The following TDRD5 variants were observed in gnomAD, a reference collection of about 807,000 sequenced individuals.
TDRD5 encodes the protein tudor domain-containing protein 5.
Under a neutral mutation model 120.6 loss-of-function variants are expected in TDRD5, and 41 were observed. The observed-to-expected ratio is 0.34, with a 90% CI of 0.26 to 0.44. The LOEUF (loss-of-function observed/expected upper bound fraction) is 0.44, where lower values mean the gene tolerates loss of function less well. Among genes scored for constraint, TDRD5 ranks in the 20% least tolerant of loss-of-function variants. The pLI, the probability that TDRD5 is intolerant of heterozygous loss-of-function variation, is 1.00. For synonymous variants in TDRD5, 430 were observed against 433.7 expected (o/e 0.99, Z 0.11); for missense variants, 1,006 against 1,221.2 (o/e 0.82, Z 2.63).
intron 11 of TDRD5, among the ~76,000 whole-genome samples, chr1:179,641,819 G>GCT (rs1678064600): frequency 6.6e-6 from 1 of 152,154 alleles, no homozygotes; most frequent in African/African-American, 2.4e-5. Flanking sequence ...ATCATCGCCT[G>GCT]CTTAACCGTT....
Position 179,654,341 on chromosome 1 carries a change from C to A in TDRD5, c.2301C>A (p.Asn767Lys). ...CAAAGTGGTCCAACCCAGAACCAAACGATCTGAAGGAAGAAAATGAGGTAG... is the reference window on the plus strand; with the variant it reads ...CAAAGTGGTCCAACCCAGAACCAAAAGATCTGAAGGAAGAAAATGAGGTAG... Reference protein sequence around the residue: ...EDPKWSNPEPNDLKEENEDEI... With the variant: ...EDPKWSNPEPKDLKEENEDEI... Residue 767 changes from asparagine (N) to lysine (K), a missense_variant, in exon 14 of 18, where the codon AAC becomes AAA. This residue lies in a region of TDRD5 where 403 missense variants were observed against 448.1 expected (regional missense o/e 0.90). Coordinates refer to ENST00000444136, the MANE Select transcript of TDRD5 (RefSeq NM_001199085.3). 1 of 1,530,506 alleles carries A rather than the reference C, an allele frequency of 6.5e-7. No individual in the cohort carries two copies. The highest frequency in any genetic ancestry group is 8.8e-7 in the Non-Finnish European group (1 of 1,137,472). 94.8% of individuals were successfully genotyped at this position (1,530,506 alleles called of 1,614,324 possible). A position where few individuals can be genotyped will look rare whatever the true frequency, so the allele number is the denominator to read the frequency against.
intron 6 of TDRD5, among the ~76,000 whole-genome samples, chr1:179,625,833 G>T (rs1200450868): frequency 9.9e-5 from 15 of 152,170 alleles, no homozygotes; most frequent in Non-Finnish European, 8.8e-5. Context: ...AACAATGATA[G>T]ACTGGATTAA....
At chr1:179,593,309 C>A in intron 2 of TDRD5, 151 bp from the exon 3 acceptor site, 1 of 869,348 alleles carries the variant, frequency 1.2e-6, no homozygotes, top group Non-Finnish European at 1.7e-6. Flanking sequence ...GCCCAAAATG[C>A]AAGAAATCGA....
In TDRD5 at chr1:179,636,374, G is replaced by C. The variant is rs191759223; in HGVS notation, c.1520+487G>C. Among the ~76,000 whole-genome samples the C allele has an allele frequency of 6.2e-4, 95 of 152,250 alleles. 1 individual carries two copies. The highest frequency in any genetic ancestry group is 5.9e-5 in the Non-Finnish European group (4 of 68,006). On this transcript the variant is annotated intron_variant, in intron 9 of 17. Coordinates refer to ENST00000444136, the MANE Select transcript of TDRD5 (RefSeq NM_001199085.3). ...GTTTCTCAAATGTTATTTGGAATTTGAACTTTTTATAGTCTATTATGTTAA... is the reference window on the plus strand; with the variant it reads ...GTTTCTCAAATGTTATTTGGAATTTCAACTTTTTATAGTCTATTATGTTAA...
chr1:179,592,656 A>C lies in TDRD5; in HGVS notation c.41A>C (p.Glu14Ala). The C allele has an allele frequency of 6.2e-7, 1 of 1,614,054 alleles. No homozygotes were observed. The highest frequency in any genetic ancestry group is 8.5e-7 in the Non-Finnish European group (1 of 1,180,002). The change falls in exon 2 of 18, where the codon GAA (glutamate) becomes GCA (alanine). Residue 14 changes from glutamate (E) to alanine (A), a missense_variant. By Grantham distance (107) the Glu-to-Ala change is moderately radical. This residue lies in a region of TDRD5 where 445 missense variants were observed against 515.5 expected (regional missense o/e 0.86). Coordinates refer to ENST00000444136, the MANE Select transcript of TDRD5 (RefSeq NM_001199085.3). ...CGTATACAGGAATGTCTGCGGAAGG[A>C]AATAAGGTCACTTCTCATTTCCACC... ...QERIQECLRK[E>A]IRSLLISTKD...
At chr1:179,635,034 A>G (rs1677689532) in intron 8 of TDRD5, among the ~76,000 whole-genome samples, 1 of 152,064 alleles carries the variant, frequency 6.6e-6, no homozygotes. Context: ...CTCCACACAC[A>G]GTTCACCCTT....
At chr1:179,669,135 C>A in intron 16 of TDRD5, 59 bp from the exon 17 acceptor site, 1 of 1,446,316 alleles carries the variant, frequency 6.9e-7, no homozygotes, top group Non-Finnish European at 9.5e-7. Context: ...GGAAATAGGG[C>A]TTAATTATTC....
At chr1:179,592,344 C>T in intron 1 of TDRD5, 1 of 401,022 alleles carries the variant, frequency 2.5e-6, no homozygotes, top group South Asian at 2.5e-5. Flanking sequence ...GAGTCCAACA[C>T]CCGACAGGAA....
chr1:179,682,325 A>G (rs536911931), intron 17 of TDRD5, among the ~76,000 whole-genome samples: 2 of 152,040 alleles, frequency 1.3e-5, no homozygotes, highest in African/African-American at 4.8e-5. Flanking sequence ...TACACGTGCC[A>G]TGGTGGTTTA....
chr1:179,618,743 G>T lies in TDRD5; in HGVS notation c.915+61G>T, dbSNP rs546873139. 4.7e-6 allele frequency: 6 copies of T among 1,268,644 alleles called. No homozygotes were observed. In the East Asian group the frequency reaches 1.6e-4, roughly 34 times the overall value. The allele number at this position is 1,268,644 out of a possible 1,614,324, so 78.6% of individuals were successfully genotyped here. A position where few individuals can be genotyped will look rare whatever the true frequency, so the allele number is the denominator to read the frequency against. ...TGATTTATAAATTTATATATCATTT[G>T]TGGTTGAGTTTGTCTGCAAGTATTA... On this transcript the variant is annotated intron_variant, in intron 5 of 17. Transcript: ENST00000444136.
At chr1:179,686,783 G>A (rs140890301) in intron 17 of TDRD5, among the ~76,000 whole-genome samples, 2,949 of 152,232 alleles carry the variant, frequency 0.019, 74 homozygotes, top group African/African-American at 0.066. Flanking sequence ...GGGTGTATGT[G>A]TCCAGGAATT....
intron 7 of TDRD5, among the ~76,000 whole-genome samples, chr1:179,632,055 T>C (rs1193237823): frequency 1.3e-5 from 2 of 151,730 alleles, no homozygotes; most frequent in Non-Finnish European, 2.9e-5. Context: ...TACAGGCACC[T>C]GCCACCACGC....
Position 179,591,910 on chromosome 1 carries a change from C to T in TDRD5, c.-230C>T, listed in dbSNP as rs983123443. 1.3e-5 allele frequency: 2 copies of T among 152,402 alleles called. No homozygotes were observed. The highest frequency in any genetic ancestry group is 4.8e-5 in the African/African-American group (2 of 41,472). The allele number at this position is 152,402 out of a possible 1,614,324, so 9.4% of individuals were successfully genotyped here. A position where few individuals can be genotyped will look rare whatever the true frequency, so the allele number is the denominator to read the frequency against. On this transcript the variant is annotated 5_prime_UTR_variant, in exon 1 of 18. Transcript: ENST00000444136. ...CCCCTAATCTCTACTCGGCCCGCACCAGCAGCGCTGGCGTCAGGGCGCGGT... is the reference window on the plus strand; with the variant it reads ...CCCCTAATCTCTACTCGGCCCGCACTAGCAGCGCTGGCGTCAGGGCGCGGT...
At position 179,663,369 on chromosome 1, in the gene TDRD5, A is replaced by G; in HGVS notation, c.2527A>G (p.Lys843Glu). 1 of 1,612,868 alleles carries G rather than the reference A, an allele frequency of 6.2e-7. No individual in the cohort carries two copies. Among genetic ancestry groups the G allele is most frequent in the Non-Finnish European group, 8.5e-7 (1 of 1,179,678 alleles). ...ATAGGACTGGTGTTTTTCTACCCCT[A>G]AAGATACATGGGATGATTCTTGGCA... is the stretch of plus-strand genomic sequence containing the variant. ...PQKDWCFSTPKDTWDDSWQPS... is the reference protein window; with the variant it reads ...PQKDWCFSTPEDTWDDSWQPS... The change falls in exon 16 of 18, where the codon AAA becomes GAA. Residue 843 changes from lysine (K) to glutamate (E), a missense_variant. Around this residue, in one of 3 missense-constraint regions of TDRD5, gnomAD observed 403 missense variants for 448.1 expected, o/e 0.90. Coordinates refer to ENST00000444136, the MANE Select transcript of TDRD5 (RefSeq NM_001199085.3).
At chr1:179,601,510 T>C (rs1049875905) in intron 4 of TDRD5, among the ~76,000 whole-genome samples, 1 of 152,220 alleles carries the variant, frequency 6.6e-6, no homozygotes, top group African/African-American at 2.4e-5. Context: ...AGTGAAAACA[T>C]GATGTTTAGT....
intron 4 of TDRD5, among the ~76,000 whole-genome samples, chr1:179,606,952 C>T (rs1362293370): frequency 6.6e-6 from 1 of 152,014 alleles, no homozygotes; most frequent in East Asian, 1.9e-4. Context: ...ACTTCAGAAT[C>T]AGTTTGTTGA....
intron 6 of TDRD5, among the ~76,000 whole-genome samples, chr1:179,621,805 C>T (rs1355441731): frequency 1.3e-5 from 2 of 152,156 alleles, no homozygotes; most frequent in African/African-American, 4.8e-5. Context: ...TCCAGAGCAT[C>T]TTTCATATTG....
Position 179,669,286 on chromosome 1 carries a change from C to G in TDRD5, c.2742C>G (p.Asp914Glu), listed in dbSNP as rs769207274. ...TSLTQSEQSA[D>E]GSQSEPNNSQ... ...TTACCCAGTCAGAGCAGTCAGCAGA[C>G]GGGAGCCAGTCTGAACCCAACAACA... The change falls in exon 17 of 18, where the codon GAC (aspartate) becomes GAG (glutamate). Residue 914 changes from aspartate (D) to glutamate (E), a missense_variant. Physicochemically the swap from Asp to Glu is conservative, Grantham distance 45 (BLOSUM62 2). This residue lies in a region of TDRD5 where 403 missense variants were observed against 448.1 expected (regional missense o/e 0.90). Transcript: ENST00000444136. The G allele has an allele frequency of 6.2e-7, 1 of 1,613,990 alleles. No homozygotes were observed. The highest frequency in any genetic ancestry group is 1.7e-5 in the Admixed American group (1 of 59,998).
At chr1:179,602,208 A>G (rs1407259900) in intron 4 of TDRD5, among the ~76,000 whole-genome samples, 1 of 152,218 alleles carries the variant, frequency 6.6e-6, no homozygotes, top group Non-Finnish European at 1.5e-5. Context: ...AACCGCATTC[A>G]TGCCAACATC....
Sources: gnomAD v4.1 joint callset for allele counts (sites outside exome capture counted in the v4.1 genomes callset) on GRCh38, gnomAD v4.1.1 for gene constraint, gnomAD v4.1.1 regional missense constraint, MANE v1.5 for transcripts, NCBI Gene and HGNC (gene_info 2026-07-23, HGNC 2026-07-21) for gene names.